RGS7: variants seen among roughly 807,000 people sequenced by gnomAD.
The protein encoded by RGS7 is regulator of G-protein signaling 7.
Under a neutral mutation model 81.1 loss-of-function variants are expected in RGS7, and 27 were observed. The ratio of observed to expected loss-of-function variants is 0.33; its 90% CI spans 0.25 to 0.46. The LOEUF (loss-of-function observed/expected upper bound fraction) is 0.46, where lower values mean the gene tolerates loss of function less well. Among genes scored for constraint, RGS7 ranks in the 20% least tolerant of loss-of-function variants. The probability of loss-of-function intolerance (pLI) is 1.00; values close to 1 mark genes in which losing one functional copy is unlikely to be tolerated. For missense variants in RGS7, 396 were observed against 607.4 expected, an observed-to-expected ratio of 0.65 and a Z score of 3.66; for synonymous variants, 208 against 207.7, an observed-to-expected ratio of 1.00 and a Z score of -0.01.
intron 4 of RGS7, among the ~76,000 whole-genome samples, chr1:240,938,259 C>T (rs1319759265): frequency 6.6e-6 from 1 of 152,100 alleles, no homozygotes; most frequent in African/African-American, 2.4e-5. Flanking sequence ...ATAGAGAGGG[C>T]CTACTGTATG....
At chr1:241,026,310 G>A (rs961099876) in intron 3 of RGS7, among the ~76,000 whole-genome samples, 5 of 152,086 alleles carry the variant, frequency 3.3e-5, no homozygotes, top group East Asian at 1.9e-4. Context: ...ATTTATTGCC[G>A]GGTGCGGTGA....
At chr1:241,295,180 G>A (rs1164912728) in intron 2 of RGS7, among the ~76,000 whole-genome samples, 4 of 152,142 alleles carry the variant, frequency 2.6e-5, no homozygotes, top group East Asian at 3.8e-4. Flanking sequence ...CGGGTGCGGT[G>A]GCTCACGCCT....
intron 2 of RGS7, among the ~76,000 whole-genome samples, chr1:241,130,957 G>A (rs941183110): frequency 6.9e-6 from 1 of 145,968 alleles, no homozygotes; most frequent in Non-Finnish European, 1.5e-5. Context: ...CAAGAGGCCA[G>A]ATAATTCTAC....
At chr1:241,192,469 T>A (rs1423611840) in intron 2 of RGS7, among the ~76,000 whole-genome samples, 1 of 152,158 alleles carries the variant, frequency 6.6e-6, no homozygotes, top group African/African-American at 2.4e-5. Context: ...ATTTTATGTA[T>A]AATGTTCAGA....
At chr1:241,083,049 A>C (rs2063228075) in intron 3 of RGS7, among the ~76,000 whole-genome samples, 1 of 152,008 alleles carries the variant, frequency 6.6e-6, no homozygotes, top group Admixed American at 6.6e-5. Flanking sequence ...ACATGGTGAA[A>C]CCCTGTCTCT....
chr1:241,352,897 A>T (rs2083334918), intron 2 of RGS7, among the ~76,000 whole-genome samples: 1 of 152,254 alleles, frequency 6.6e-6, no homozygotes, highest in Non-Finnish European at 1.5e-5. Flanking sequence ...TATGAAGATA[A>T]AATGGAAACA....
At chr1:241,027,169 C>T (rs536275327) in intron 3 of RGS7, among the ~76,000 whole-genome samples, 2 of 151,564 alleles carry the variant, frequency 1.3e-5, no homozygotes, top group Admixed American at 6.6e-5. Context: ...TGTCATTGTA[C>T]TCCAGCCTGG....
intron 9 of RGS7, among the ~76,000 whole-genome samples, chr1:240,846,962 A>G (rs1446148328): frequency 2.0e-5 from 3 of 152,174 alleles, no homozygotes; most frequent in Non-Finnish European, 4.4e-5. Context: ...AAAGAACCTG[A>G]GCCTGCATCA....
At chr1:240,888,500 G>A (rs1424077713) in intron 6 of RGS7, among the ~76,000 whole-genome samples, 1 of 152,064 alleles carries the variant, frequency 6.6e-6, no homozygotes, top group African/African-American at 2.4e-5. Flanking sequence ...CTGGAGACCC[G>A]GCGATGAACG....
chr1:241,195,060 G>A (rs900013787), intron 2 of RGS7, among the ~76,000 whole-genome samples: 8 of 152,212 alleles, frequency 5.3e-5, no homozygotes, highest in Non-Finnish European at 1.2e-4. Context: ...ATCTCACTTA[G>A]CTGCCTGGTA....
chr1:240,800,701 GA>G lies in RGS7; in HGVS notation c.1433del (p.Phe478SerfsTer11). On this transcript the variant is annotated frameshift_variant, in exon 18 of 19. Transcript: ENST00000440928. LOFTEE classifies it high-confidence loss of function. Reference sequence around the variant, plus strand: ...TTGGTGTACAGTTTTTATGGCATGGGAAAATAGGGATGTTTCTGCCCTATAA... The same window carrying G: ...TTGGTGTACAGTTTTTATGGCATGGGAAATAGGGATGTTTCTGCCCTATAA... Reference protein sequence around the residue: ...AQNVGRNIPIFPCHKNCTPTL... With the variant: ...AQNVGRNIPIXPCHKNCTPTL... The G allele has an allele frequency of 6.5e-7, 1 of 1,545,874 alleles. No individual in the cohort carries two copies. The highest frequency in any genetic ancestry group is 8.7e-7 in the Non-Finnish European group (1 of 1,143,168).
At chr1:241,023,629 T>C in intron 3 of RGS7, among the ~76,000 whole-genome samples, 1 of 152,244 alleles carries the variant, frequency 6.6e-6, no homozygotes, top group Non-Finnish European at 1.5e-5. Flanking sequence ...TTCCTTGAGC[T>C]CTGTCTTAAT....
chr1:240,843,202 GAGAA>G (rs879276356), intron 9 of RGS7, among the ~76,000 whole-genome samples: 2 of 151,702 alleles, frequency 1.3e-5, no homozygotes, highest in African/African-American at 4.8e-5. Flanking sequence ...AAAAAAGAAA[GAGAA>G]AGAAAGAAAA....
chr1:241,179,305 G>A (rs2071409926), intron 2 of RGS7, among the ~76,000 whole-genome samples: 1 of 152,108 alleles, frequency 6.6e-6, no homozygotes, highest in Non-Finnish European at 1.5e-5. Context: ...CACCATGTTG[G>A]CCAGGCTGGT....
At chr1:241,091,788 A>G (rs2502428) in intron 3 of RGS7, among the ~76,000 whole-genome samples, 45,684 of 151,534 alleles carry the variant, frequency 0.3, 8,703 homozygotes, top group African/African-American at 0.54. Flanking sequence ...TTGGGAGGCT[A>G]AGGCAGGAAG....
At chr1:240,949,246 T>C (rs1679154306) in intron 4 of RGS7, among the ~76,000 whole-genome samples, 1 of 152,200 alleles carries the variant, frequency 6.6e-6, no homozygotes, top group Non-Finnish European at 1.5e-5. Flanking sequence ...TGTAATTAAT[T>C]AATAAAAATG....
chr1:240,843,224 A>C (rs1658434911), intron 9 of RGS7, among the ~76,000 whole-genome samples: 2 of 152,160 alleles, frequency 1.3e-5, no homozygotes, highest in Non-Finnish European at 2.9e-5. Flanking sequence ...AAAAGAAAGA[A>C]GAAAGAAAGA....
chr1:241,220,991 AAGGAAGAG>A (rs1305875231), intron 2 of RGS7, among the ~76,000 whole-genome samples: 4 of 79,332 alleles, frequency 5.0e-5, no homozygotes, highest in African/African-American at 1.9e-4. Context: ...GGAAGGAAGG[AAGGAAGAG>A]AGAGAGAAAG....
At chr1:241,064,592 C>T (rs1038187121) in intron 3 of RGS7, among the ~76,000 whole-genome samples, 1 of 151,228 alleles carries the variant, frequency 6.6e-6, no homozygotes, top group Admixed American at 6.6e-5. Flanking sequence ...AAAACAACAA[C>T]AACAAAAAAT....
Sources: gnomAD v4.1 joint callset for allele counts (sites outside exome capture counted in the v4.1 genomes callset) on GRCh38, gnomAD v4.1.1 for gene constraint, MANE v1.5 for transcripts, NCBI Gene and HGNC (gene_info 2026-07-23, HGNC 2026-07-21) for gene names.